Variants in ATP8B4 observed in about 807,000 individuals in gnomAD.
ATP8B4 encodes the protein ATPase phospholipid transporting 8B4 (putative).
A neutral mutation model predicts 145.6 loss-of-function variants in ATP8B4; 133 were observed. That is an observed-to-expected ratio of 0.91 (90% CI 0.79 to 1.05). The LOEUF is 1.05. ATP8B4 is among the 50% of genes least tolerant of loss of function. ATP8B4 has a pLI of 0.00. For synonymous variants in ATP8B4, 507 were observed against 492.9 expected (o/e 1.03, Z -0.38); for missense variants, 1,458 against 1,425.2 (o/e 1.02, Z -0.37).
intron 1 of ATP8B4, among the ~76,000 whole-genome samples, chr15:50,116,279 G>C (rs949338504): frequency 3.9e-5 from 6 of 152,016 alleles, no homozygotes; most frequent in Non-Finnish European, 5.9e-5. Context: ...AAAATAAATG[G>C]TCTGTGTGTT....
chr15:50,088,295 C>T (rs1478459631), intron 2 of ATP8B4, among the ~76,000 whole-genome samples: 1 of 151,744 alleles, frequency 6.6e-6, no homozygotes, highest in Non-Finnish European at 1.5e-5. Context: ...TGCTTGAACC[C>T]GGGAGGCGTC....
Position 49,860,014 on chromosome 15 carries a change from G to T in ATP8B4, c.*180C>A, listed in dbSNP as rs767742189. 1.4e-5 allele frequency: 9 copies of T among 650,274 alleles called. No individual in the cohort carries two copies. The highest frequency in any genetic ancestry group is 3.5e-5 in the Admixed American group (1 of 28,982). 40.3% of individuals were successfully genotyped at this position (650,274 alleles called of 1,614,324 possible). A position where few individuals can be genotyped will look rare whatever the true frequency, so the allele number is the denominator to read the frequency against. On this transcript the variant is annotated 3_prime_UTR_variant, in exon 28 of 28. Coordinates refer to ENST00000284509, the MANE Select transcript of ATP8B4 (RefSeq NM_024837.4). ...AAACCAGACAGTGACCCTCTGGCCT[G>T]GTTTTCCATAGCGCACACTCCTGTT...
chr15:50,104,005 G>A (rs2056528093), intron 2 of ATP8B4, among the ~76,000 whole-genome samples: 1 of 152,104 alleles, frequency 6.6e-6, no homozygotes, highest in African/African-American at 2.4e-5. Context: ...TTAACAAATG[G>A]TGCTGGGATA....
At chr15:49,934,937 A>T (rs2041609073) in intron 14 of ATP8B4, among the ~76,000 whole-genome samples, 1 of 152,112 alleles carries the variant, frequency 6.6e-6, no homozygotes, top group South Asian at 2.1e-4. Flanking sequence ...TTTGCAATTG[A>T]TTCTAAAGTT....
intron 27 of ATP8B4, 143 bp downstream of exon 27, chr15:49,862,102 T>G: frequency 9.4e-7 from 1 of 1,066,666 alleles, no homozygotes; most frequent in Non-Finnish European, 1.3e-6. Flanking sequence ...GTCCCATCTA[T>G]TCTGATGTGA....
At chr15:49,865,056 G>T (rs1424459474) in intron 26 of ATP8B4, among the ~76,000 whole-genome samples, 1 of 152,186 alleles carries the variant, frequency 6.6e-6, no homozygotes, top group East Asian at 1.9e-4. Context: ...GCTTCAGGAT[G>T]GGGGCTGCTC....
chr15:50,108,270 G>A (rs920297651), intron 1 of ATP8B4, among the ~76,000 whole-genome samples: 1 of 152,064 alleles, frequency 6.6e-6, no homozygotes, highest in African/African-American at 2.4e-5. Context: ...ACCAGTGCTT[G>A]CTCTCCCTCT....
chr15:50,012,410 T>G (rs2048781907), intron 6 of ATP8B4, among the ~76,000 whole-genome samples: 1 of 152,182 alleles, frequency 6.6e-6, no homozygotes. Flanking sequence ...TGCGTCTTAT[T>G]TCCAAACTCT....
At chr15:50,022,312 T>C (rs1266011919) in intron 6 of ATP8B4, among the ~76,000 whole-genome samples, 6 of 152,178 alleles carry the variant, frequency 3.9e-5, no homozygotes, top group Non-Finnish European at 7.4e-5. Context: ...ACCCCTTCTT[T>C]AGTGCTTCCG....
At chr15:50,166,302 A>G (rs2044597976) in intron 1 of ATP8B4, among the ~76,000 whole-genome samples, 1 of 152,262 alleles carries the variant, frequency 6.6e-6, no homozygotes, top group East Asian at 1.9e-4. Context: ...GGAAAATGTC[A>G]TCAGACAAAA....
At chr15:50,001,777 G>C (rs113675146) in intron 8 of ATP8B4, among the ~76,000 whole-genome samples, 252 of 152,134 alleles carry the variant, frequency 1.7e-3, no homozygotes, top group African/African-American at 5.9e-3. Flanking sequence ...GTTCCAAAAG[G>C]TTGCCTTTTA....
chr15:49,987,494 A>G lies in ATP8B4; in HGVS notation c.645T>C (p.Leu215=). The stretch of plus-strand genomic sequence containing the variant: ...GGGAATGCTTGCTGTCTTTCCAAGA[A>G]AGGATTCCCATGAATTTATCTAACT... ...NNKLDKFMGI[L]SWKDSKHSLN... Residue 215 remains leucine (L), a synonymous_variant, in exon 10 of 28, where the codon CTT becomes CTC. Coordinates refer to ENST00000284509, the MANE Select transcript of ATP8B4 (RefSeq NM_024837.4). 2 of 1,613,802 alleles carry G rather than the reference A, an allele frequency of 1.2e-6. No homozygotes were observed. Among genetic ancestry groups the G allele is most frequent in the Non-Finnish European group, 1.7e-6 (2 of 1,179,762 alleles).
intron 14 of ATP8B4, among the ~76,000 whole-genome samples, chr15:49,945,310 T>C (rs770055729): frequency 2.0e-5 from 3 of 151,918 alleles, no homozygotes; most frequent in East Asian, 1.9e-4. Context: ...AACTAAATCA[T>C]GAAAAATAGA....
At chr15:50,166,718 A>G (rs981532990) in intron 1 of ATP8B4, among the ~76,000 whole-genome samples, 7 of 152,250 alleles carry the variant, frequency 4.6e-5, no homozygotes, top group Non-Finnish European at 8.8e-5. Context: ...TATCTCAAGA[A>G]TATGACCTAG....
intron 1 of ATP8B4, among the ~76,000 whole-genome samples, chr15:50,151,287 T>C (rs1424416687): frequency 6.6e-6 from 1 of 152,220 alleles, no homozygotes; most frequent in Non-Finnish European, 1.5e-5. Context: ...ACATAACTTT[T>C]TCTATACATA....
chr15:49,944,760 C>T (rs1243056898), intron 14 of ATP8B4, among the ~76,000 whole-genome samples: 1 of 152,148 alleles, frequency 6.6e-6, no homozygotes, highest in African/African-American at 2.4e-5. Context: ...CAGCAGAATG[C>T]ACATTCTGTG....
intron 1 of ATP8B4, among the ~76,000 whole-genome samples, chr15:50,151,309 G>A (rs1033923811): frequency 3.9e-5 from 6 of 152,062 alleles, no homozygotes; most frequent in Non-Finnish European, 8.8e-5. Context: ...TAATCACATA[G>A]GAAGCTCAGA....
intron 1 of ATP8B4, among the ~76,000 whole-genome samples, chr15:50,169,595 C>A (rs1470184378): frequency 2.0e-5 from 3 of 152,198 alleles, no homozygotes; most frequent in Non-Finnish European, 4.4e-5. Context: ...AGAAAACCAA[C>A]CCTGGTAATA....
chr15:49,986,030 C>T (rs2046572709), intron 10 of ATP8B4, among the ~76,000 whole-genome samples: 1 of 152,222 alleles, frequency 6.6e-6, no homozygotes, highest in Non-Finnish European at 1.5e-5. Context: ...TTCTGTTACA[C>T]TTCCTTGGAG....
Sources: allele counts gnomAD v4.1 joint callset (sites outside exome capture counted in the v4.1 genomes callset), GRCh38; gene constraint gnomAD v4.1.1; transcripts MANE v1.5; gene names NCBI Gene and HGNC (gene_info 2026-07-23, HGNC 2026-07-21).